The following NOL4 variants were observed in gnomAD, a reference collection of about 807,000 sequenced individuals.
NOL4 encodes nucleolar protein 4.
NOL4 carries 17 observed loss-of-function variants against 75.9 expected under a neutral mutation model. That is an observed-to-expected ratio of 0.22 (90% CI 0.15 to 0.34). The LOEUF is 0.34. Ranked by LOEUF, NOL4 falls within the 10% of genes least tolerant of loss-of-function variation. NOL4 has a pLI of 1.00. For synonymous variants in NOL4, 292 were observed against 289.9 expected, an observed-to-expected ratio of 1.01 and a Z score of -0.07; for missense variants, 614 against 793.5, an observed-to-expected ratio of 0.77 and a Z score of 2.72.
intron 9 of NOL4, among the ~76,000 whole-genome samples, chr18:33,922,239 T>G (rs2067084292): frequency 6.6e-6 from 1 of 152,218 alleles, no homozygotes; most frequent in African/African-American, 2.4e-5. Flanking sequence ...TACACCATTT[T>G]TGACTAAATT....
chr18:34,202,773 T>C (rs1349902192), intron 1 of NOL4, among the ~76,000 whole-genome samples: 1 of 152,034 alleles, frequency 6.6e-6, no homozygotes. Context: ...TTGTTATTGG[T>C]ATAAATTGTT....
Position 34,110,789 on chromosome 18 carries a change from A to G in NOL4, c.415-5629T>C, listed in dbSNP as rs188542979. The stretch of plus-strand genomic sequence containing the variant: ...ATCTTATAGACAGAAAATCCTAAAG[A>G]CCCCACCAAAACAATGTTAGAACTT... On this transcript the variant is annotated intron_variant, in intron 2 of 10. Transcript: ENST00000261592. Among the ~76,000 whole-genome samples, 445 of 152,178 alleles carry G rather than the reference A, an allele frequency of 2.9e-3. 4 individuals carry two copies. The highest frequency in any genetic ancestry group is 5.0e-3 in the Non-Finnish European group (340 of 67,998).
At chr18:33,969,530 C>T (rs373907994) in intron 6 of NOL4, among the ~76,000 whole-genome samples, 4 of 152,054 alleles carry the variant, frequency 2.6e-5, no homozygotes, top group East Asian at 3.9e-4. Context: ...TTAAATGTCA[C>T]ATTCCACTGT....
chr18:33,980,381 G>C (rs558442394), intron 6 of NOL4, among the ~76,000 whole-genome samples: 65 of 152,176 alleles, frequency 4.3e-4, no homozygotes, highest in African/African-American at 1.5e-3. Context: ...GTTTTTAACA[G>C]TGAATATCAG....
At chr18:34,078,860 T>C (rs1478798753) in intron 5 of NOL4, among the ~76,000 whole-genome samples, 1 of 152,204 alleles carries the variant, frequency 6.6e-6, no homozygotes, top group Non-Finnish European at 1.5e-5. Flanking sequence ...AAGGTAGCTG[T>C]GAAGCTCTAG....
chr18:34,177,055 CAACA>C (rs1350091820), intron 1 of NOL4, among the ~76,000 whole-genome samples: 2 of 151,540 alleles, frequency 1.3e-5, no homozygotes, highest in Non-Finnish European at 2.9e-5. Context: ...AAATGTGCAG[CAACA>C]GACAAATAGG....
At chr18:33,991,786 G>T (rs573738856) in intron 6 of NOL4, among the ~76,000 whole-genome samples, 1 of 152,012 alleles carries the variant, frequency 6.6e-6, no homozygotes, top group Admixed American at 6.6e-5. Flanking sequence ...GCCACACATA[G>T]CCAGTGGTGG....
intron 5 of NOL4, among the ~76,000 whole-genome samples, chr18:34,063,000 C>T (rs1183749609): frequency 1.3e-5 from 2 of 151,994 alleles, no homozygotes; most frequent in Non-Finnish European, 2.9e-5. Flanking sequence ...CTTATGGATG[C>T]TATATTGTCT....
chr18:34,215,613 T>C (rs1234335612), intron 1 of NOL4, among the ~76,000 whole-genome samples: 1 of 152,092 alleles, frequency 6.6e-6, no homozygotes, highest in Non-Finnish European at 1.5e-5. Flanking sequence ...GAAAAAGATG[T>C]GTCAGCTCGG....
chr18:33,883,166 C>A (rs113092066), intron 10 of NOL4, 78 bp downstream of exon 10: 13 of 1,088,880 alleles, frequency 1.2e-5, no homozygotes, highest in African/African-American at 9.6e-5. Context: ...TGTAACTAAC[C>A]TGCGCAATGT....
intron 1 of NOL4, among the ~76,000 whole-genome samples, chr18:34,213,487 A>G (rs2036659461): frequency 6.6e-6 from 1 of 152,022 alleles, no homozygotes; most frequent in African/African-American, 2.4e-5. Flanking sequence ...CCGGGGTTTC[A>G]CCACGTTGGG....
rs1161095354 is a variant in NOL4, at chr18:34,223,342, G to A, written c.-89C>T. ...TCATGAAAAATGCAGCCCCGGCCAC[G>A]TTGCAGGGATGCGAGGTCCCGGCCG... On this transcript the variant is annotated 5_prime_UTR_variant, in exon 1 of 11. In the 5' UTR this introduces an upstream ATG that the reference lacks. Coordinates refer to ENST00000261592, the MANE Select transcript of NOL4 (RefSeq NM_003787.5). The A allele has an allele frequency of 2.0e-6, 3 of 1,526,572 alleles. No homozygotes were observed. Among genetic ancestry groups the A allele is most frequent in the African/African-American group, 1.4e-5 (1 of 72,954 alleles). 94.6% of individuals were successfully genotyped at this position (1,526,572 alleles called of 1,614,324 possible). A position where few individuals can be genotyped will look rare whatever the true frequency, so the allele number is the denominator to read the frequency against.
intron 5 of NOL4, among the ~76,000 whole-genome samples, chr18:34,071,260 T>C (rs34977745): frequency 0.2 from 30,904 of 152,090 alleles, 3,612 homozygotes; most frequent in East Asian, 0.35. Flanking sequence ...TGAACAAAGC[T>C]CTTTTAGTAA....
chr18:33,904,539 C>T (rs1304002566), intron 9 of NOL4, among the ~76,000 whole-genome samples: 1 of 152,036 alleles, frequency 6.6e-6, no homozygotes, highest in African/African-American at 2.4e-5. Flanking sequence ...ACTAACAGAA[C>T]AAACTCTTTG....
intron 5 of NOL4, among the ~76,000 whole-genome samples, chr18:34,049,072 GCGCACACACACACACACA>G (rs1258254243): frequency 2.7e-4 from 34 of 126,348 alleles, no homozygotes; most frequent in African/African-American, 9.2e-4. Context: ...ATACAGGCGC[GCGCACACACACACACACA>G]CACACACACA....
At chr18:33,983,191 G>T (rs2072119319) in intron 6 of NOL4, among the ~76,000 whole-genome samples, 1 of 152,056 alleles carries the variant, frequency 6.6e-6, no homozygotes, top group South Asian at 2.1e-4. Flanking sequence ...GGGGTTAGGG[G>T]GAGGAAGGGA....
At position 33,851,965 on chromosome 18, in the gene NOL4, G is replaced by A. The variant is rs564257744; in HGVS notation, c.*877C>T. 9.8e-5 allele frequency: 15 copies of A among 152,444 alleles called. No individual in the cohort carries two copies. Among genetic ancestry groups the A allele is most frequent in the South Asian group, 4.2e-4 (2 of 4,808 alleles). The allele number at this position is 152,444 out of a possible 1,614,324, so 9.4% of individuals were successfully genotyped here. A position where few individuals can be genotyped will look rare whatever the true frequency, so the allele number is the denominator to read the frequency against. ...TAGAGGGATGCCTGGAGACAGCAGC[G>A]GCAATCAGGAACGAGCAGCTCTAAG... On this transcript the variant is annotated 3_prime_UTR_variant, in exon 11 of 11. Transcript: ENST00000261592.
chr18:34,142,582 CA>C (rs1375435519), intron 1 of NOL4, among the ~76,000 whole-genome samples: 1 of 151,708 alleles, frequency 6.6e-6, no homozygotes, highest in Admixed American at 6.6e-5. Flanking sequence ...ATCGCAAGGA[CA>C]AAAAACCAAA....
Position 33,851,279 on chromosome 18 carries a change from A to T in NOL4, c.*1563T>A, listed in dbSNP as rs2062626224. On this transcript the variant is annotated 3_prime_UTR_variant, in exon 11 of 11. Transcript: ENST00000261592. Reference sequence around the variant, plus strand: ...CAATAAGATTTTTCACATTATATTCACCAACAGTATCACAAAAGTTTTTTT... The same window carrying T: ...CAATAAGATTTTTCACATTATATTCTCCAACAGTATCACAAAAGTTTTTTT... 6.6e-6 allele frequency: 1 copy of T among 152,408 alleles called. No homozygotes were observed. The highest frequency in any genetic ancestry group is 1.5e-5 in the Non-Finnish European group (1 of 67,968). 9.4% of individuals were successfully genotyped at this position (152,408 alleles called of 1,614,324 possible). A position where few individuals can be genotyped will look rare whatever the true frequency, so the allele number is the denominator to read the frequency against.
Sources: gnomAD v4.1 joint callset for allele counts (sites outside exome capture counted in the v4.1 genomes callset) on GRCh38, gnomAD v4.1.1 for gene constraint, MANE v1.5 for transcripts, NCBI Gene and HGNC (gene_info 2026-07-23, HGNC 2026-07-21) for gene names.